Variants in CCDC158 observed in about 807,000 individuals in gnomAD.
CCDC158 encodes coiled-coil domain-containing protein 158.
Under a neutral mutation model 138.6 loss-of-function variants are expected in CCDC158, and 116 were observed. That is an observed-to-expected ratio of 0.84 (90% confidence interval 0.72 to 0.98). The LOEUF (loss-of-function observed/expected upper bound fraction) is 0.98, where lower values mean the gene tolerates loss of function less well. CCDC158 is among the 50% of genes least tolerant of loss of function. The pLI is 0.00. For synonymous variants in CCDC158, 436 were observed against 442.4 expected (o/e 0.99, Z 0.18); for missense variants, 1,265 against 1,306.1 (o/e 0.97, Z 0.48).
At chr4:76,394,048 A>G (rs1431654059) in intron 4 of CCDC158, among the ~76,000 whole-genome samples, 2 of 152,158 alleles carry the variant, frequency 1.3e-5, no homozygotes, top group African/African-American at 4.8e-5. Context: ...GAATTAGTAC[A>G]GCCACTATAA....
intron 24 of CCDC158, among the ~76,000 whole-genome samples, chr4:76,315,596 T>A (rs1019469080): frequency 1.3e-5 from 2 of 152,232 alleles, no homozygotes; most frequent in Non-Finnish European, 1.5e-5. Context: ...GCCTGCAACA[T>A]TCTGGCTAAC....
intron 24 of CCDC158, among the ~76,000 whole-genome samples, chr4:76,317,734 T>G (rs1719541875): frequency 6.6e-6 from 1 of 152,134 alleles, no homozygotes; most frequent in Non-Finnish European, 1.5e-5. Context: ...TGGAACATTC[T>G]CCAAGGTAAA....
intron 4 of CCDC158, among the ~76,000 whole-genome samples, chr4:76,390,506 A>G (rs1727215687): frequency 6.6e-6 from 1 of 152,058 alleles, no homozygotes; most frequent in Non-Finnish European, 1.5e-5. Context: ...AAGAAATCAA[A>G]GCATACCACC....
Position 76,332,466 on chromosome 4 carries a change from T to C in CCDC158, c.2848A>G (p.Thr950Ala), listed in dbSNP as rs1419824995. ...ATGTCTGATCTCAGGCTGGATTCAGTAATGCAATCTCTTACCCTATCCTCT... is the reference window on the plus strand; with the variant it reads ...ATGTCTGATCTCAGGCTGGATTCAGCAATGCAATCTCTTACCCTATCCTCT... Reference protein sequence around the residue: ...AVEDRVRDCITESSLRSDMCH... With the variant: ...AVEDRVRDCIAESSLRSDMCH... The change falls in exon 20 of 25, where the codon ACT becomes GCT. Residue 950 changes from threonine to alanine, a missense_variant. Transcript: ENST00000682701. 6.2e-7 allele frequency: 1 copy of C among 1,610,642 alleles called. No homozygotes were observed. Among genetic ancestry groups the C allele is most frequent in the Non-Finnish European group, 8.5e-7 (1 of 1,177,812 alleles).
chr4:76,347,485 C>T (rs1578929285), intron 18 of CCDC158, among the ~76,000 whole-genome samples: 1 of 152,106 alleles, frequency 6.6e-6, no homozygotes. Flanking sequence ...CATGTTCTCA[C>T]TCATAAGTGG....
chr4:76,354,711 G>T (rs1305623118), intron 15 of CCDC158, among the ~76,000 whole-genome samples: 2 of 152,048 alleles, frequency 1.3e-5, no homozygotes, highest in South Asian at 4.2e-4. Context: ...CCCACCTACC[G>T]GCGACCTCAG....
At chr4:76,389,157 T>A (rs146754334) in intron 4 of CCDC158, among the ~76,000 whole-genome samples, 176 of 152,106 alleles carry the variant, frequency 1.2e-3, no homozygotes, top group African/African-American at 4.1e-3. Flanking sequence ...GATATATGAC[T>A]TTTCAGACAG....
At chr4:76,376,378 T>G (rs144633620) in intron 9 of CCDC158, among the ~76,000 whole-genome samples, 1 of 152,208 alleles carries the variant, frequency 6.6e-6, no homozygotes. Flanking sequence ...ATCTCACTTT[T>G]AATCACAGCT....
chr4:76,318,811 A>T (rs1208447510), intron 24 of CCDC158, among the ~76,000 whole-genome samples: 1 of 152,200 alleles, frequency 6.6e-6, no homozygotes, highest in East Asian at 1.9e-4. Flanking sequence ...AAAGGACATA[A>T]CAAAAAAAGA....
rs774875537 is a variant in CCDC158 at position 76,382,634 on chromosome 4, A to G, written c.890T>C (p.Ile297Thr). The change falls in exon 8 of 25, where the codon ATC (isoleucine) becomes ACC (threonine). Residue 297 changes from isoleucine (I) to threonine (T), a missense_variant. By Grantham distance (89) the Ile-to-Thr change is moderately conservative (BLOSUM62 -1). Transcript: ENST00000682701. ...ASSARSQANS[I>T]QSQMEIIQEQ... ...CTGAATGATTTCCATTTGACTCTGG[A>G]TACTATTGGCTTGGCTTCGAGCACT... 1 of 1,611,382 alleles carries G rather than the reference A, an allele frequency of 6.2e-7. No individual in the cohort carries two copies. Among genetic ancestry groups the G allele is most frequent in the East Asian group, 2.2e-5 (1 of 44,806 alleles).
intron 24 of CCDC158, among the ~76,000 whole-genome samples, chr4:76,321,688 T>A (rs1720023084): frequency 6.8e-6 from 1 of 146,328 alleles, no homozygotes; most frequent in African/African-American, 2.5e-5. Flanking sequence ...ATATATATAT[T>A]TACATGGTGT....
intron 12 of CCDC158, among the ~76,000 whole-genome samples, chr4:76,366,736 G>A (rs1367784786): frequency 1.3e-5 from 2 of 151,818 alleles, no homozygotes; most frequent in Admixed American, 6.6e-5. Context: ...CAAAACAGGG[G>A]AAAGAAACTA....
intron 9 of CCDC158, among the ~76,000 whole-genome samples, chr4:76,376,349 C>T (rs1012698941): frequency 2.0e-5 from 3 of 152,144 alleles, no homozygotes; most frequent in Non-Finnish European, 4.4e-5. Flanking sequence ...TGGGTGTAAG[C>T]CACTGCACCT....
chr4:76,369,116 G>GAGGT (rs1724975719), intron 11 of CCDC158, among the ~76,000 whole-genome samples: 1 of 152,166 alleles, frequency 6.6e-6, no homozygotes, highest in South Asian at 2.1e-4. Context: ...TTGGGAGGCT[G>GAGGT]AGGTAGGAGA....
In CCDC158 at chr4:76,362,249, C is replaced by G. The variant is rs368420803; in HGVS notation, c.1897G>C (p.Glu633Gln). The G allele has an allele frequency of 2.5e-6, 4 of 1,614,156 alleles. No homozygotes were observed. Among genetic ancestry groups the G allele is most frequent in the Admixed American group, 1.7e-5 (1 of 60,028 alleles). ...CCTGCATTCACCAGCTTCACCTTTT[C>G]CAGCTCCAAGTCACTCACTCTGGCC... ...LEARVSDLELEKVKLVNAGSE... is the reference protein window; with the variant it reads ...LEARVSDLELQKVKLVNAGSE... The change falls in exon 13 of 25, where the codon GAA becomes CAA. Residue 633 changes from glutamate to glutamine, a missense_variant. Physicochemically the swap from Glu to Gln is conservative, Grantham distance 29. Transcript: ENST00000682701.
chr4:76,316,020 A>C (rs768910185), intron 24 of CCDC158, among the ~76,000 whole-genome samples: 23 of 152,342 alleles, frequency 1.5e-4, no homozygotes, highest in Non-Finnish European at 2.5e-4. Flanking sequence ...AGAAGGAATC[A>C]GAAAAGCGAT....
intron 3 of CCDC158, among the ~76,000 whole-genome samples, chr4:76,398,042 T>C (rs981996207): frequency 6.6e-6 from 1 of 151,994 alleles, no homozygotes; most frequent in Non-Finnish European, 1.5e-5. Flanking sequence ...CAACTGAGAA[T>C]CAAAAACAGT....
At position 76,371,409 on chromosome 4, in the gene CCDC158, A is replaced by G. The variant is rs1440617122; in HGVS notation, c.1149+8T>C. On this transcript the variant is annotated splice_region_variant and intron_variant, in intron 10 of 24. Transcript: ENST00000682701. Reference sequence around the variant, plus strand: ...TAGTCTTATTCATATTTTAAAGCATAATCTTACCAACAGCTTTTGAAGTTG... The same window carrying G: ...TAGTCTTATTCATATTTTAAAGCATGATCTTACCAACAGCTTTTGAAGTTG... 1 of 1,613,286 alleles carries G rather than the reference A, an allele frequency of 6.2e-7. No homozygotes were observed. The highest frequency in any genetic ancestry group is 8.5e-7 in the Non-Finnish European group (1 of 1,179,584).
intron 12 of CCDC158, among the ~76,000 whole-genome samples, chr4:76,366,688 C>A (rs996927651): frequency 6.6e-6 from 1 of 151,180 alleles, no homozygotes; most frequent in African/African-American, 2.4e-5. Flanking sequence ...CAGGTTTTAA[C>A]AGGTACAAAT....
Sources: allele counts gnomAD v4.1 joint callset (sites outside exome capture counted in the v4.1 genomes callset), GRCh38; gene constraint gnomAD v4.1.1; transcripts MANE v1.5; gene names NCBI Gene and HGNC (gene_info 2026-07-23, HGNC 2026-07-21).